The following CDH13 variants were observed in gnomAD, a reference collection of about 807,000 sequenced individuals.
CDH13 encodes the protein cadherin 13, also known as cadherin-13.
A neutral mutation model predicts 63.8 loss-of-function variants in CDH13; 24 were observed. That is an observed-to-expected ratio of 0.38 (90% CI 0.27 to 0.53). The LOEUF is 0.53. Ranked by LOEUF, CDH13 falls within the 20% of genes least tolerant of loss-of-function variation. The pLI is 0.85. For missense variants in CDH13, 1,049 were observed against 903.1 expected, an observed-to-expected ratio of 1.16 and a Z score of -2.07; for synonymous variants, 503 against 355.3, an observed-to-expected ratio of 1.42 and a Z score of -4.67.
chr16:82,631,475 C>T (rs1230290136), intron 1 of CDH13, among the ~76,000 whole-genome samples: 2 of 152,218 alleles, frequency 1.3e-5, no homozygotes, highest in South Asian at 2.1e-4. Context: ...ATCAGCTGGA[C>T]AGAATCAAAC....
intron 5 of CDH13, among the ~76,000 whole-genome samples, chr16:83,281,478 C>T (rs1266503351): frequency 6.6e-6 from 1 of 152,162 alleles, no homozygotes; most frequent in Non-Finnish European, 1.5e-5. Flanking sequence ...GTTTCACTTC[C>T]TTGCCATTCA....
At chr16:83,755,132 C>T (rs1913399038) in intron 11 of CDH13, among the ~76,000 whole-genome samples, 2 of 152,070 alleles carry the variant, frequency 1.3e-5, no homozygotes. Flanking sequence ...GAGAATTACA[C>T]AAGAGATCTG....
intron 6 of CDH13, among the ~76,000 whole-genome samples, chr16:83,379,930 T>TAGAG (rs1366582319): frequency 1.0e-4 from 9 of 88,216 alleles, no homozygotes; most frequent in Non-Finnish European, 2.0e-4. Context: ...TATATATATA[T>TAGAG]ATATATATAG....
chr16:82,835,381 A>C (rs1322034636), intron 1 of CDH13, among the ~76,000 whole-genome samples: 1 of 152,208 alleles, frequency 6.6e-6, no homozygotes, highest in Non-Finnish European at 1.5e-5. Flanking sequence ...TTAAGGTCAC[A>C]TAGCACCTGG....
At chr16:83,037,552 G>A (rs1212238700) in intron 3 of CDH13, among the ~76,000 whole-genome samples, 1 of 152,172 alleles carries the variant, frequency 6.6e-6, no homozygotes, top group Non-Finnish European at 1.5e-5. Flanking sequence ...TGTCTAGCCT[G>A]GAGGATGGAG....
chr16:82,968,364 C>G (rs1347706796), intron 2 of CDH13, among the ~76,000 whole-genome samples: 1 of 152,092 alleles, frequency 6.6e-6, no homozygotes, highest in African/African-American at 2.4e-5. Flanking sequence ...GGCCTCAGAC[C>G]TAGTGGTCCA....
At chr16:82,945,687 C>G (rs544005809) in intron 2 of CDH13, among the ~76,000 whole-genome samples, 25 of 152,248 alleles carry the variant, frequency 1.6e-4, no homozygotes, top group African/African-American at 5.5e-4. Context: ...TAAGTCCCAT[C>G]TGCAAGGAAA....
chr16:82,796,744 C>G (rs10514567), intron 1 of CDH13, among the ~76,000 whole-genome samples: 2,615 of 152,284 alleles, frequency 0.017, 44 homozygotes, highest in African/African-American at 0.038. Flanking sequence ...AAATAATGAC[C>G]TTTTAGTTGA....
chr16:83,131,992 C>G (rs1201980978), intron 4 of CDH13, among the ~76,000 whole-genome samples: 1 of 152,202 alleles, frequency 6.6e-6, no homozygotes, highest in Non-Finnish European at 1.5e-5. Flanking sequence ...TGCCATGTTC[C>G]TCAGTGTTCT....
At chr16:83,144,245 G>T (rs1474237482) in intron 4 of CDH13, among the ~76,000 whole-genome samples, 1 of 152,034 alleles carries the variant, frequency 6.6e-6, no homozygotes, top group African/African-American at 2.4e-5. Context: ...GTACTTATTT[G>T]GATAGTCAAG....
At chr16:82,845,452 G>A (rs575225338) in intron 1 of CDH13, among the ~76,000 whole-genome samples, 9 of 152,330 alleles carry the variant, frequency 5.9e-5, no homozygotes, top group South Asian at 2.1e-4. Flanking sequence ...GAAACTCATC[G>A]CAGCAGCAAC....
chr16:82,661,397 T>C (rs8049308), intron 1 of CDH13, among the ~76,000 whole-genome samples: 32,978 of 152,176 alleles, frequency 0.22, 3,745 homozygotes, highest in African/African-American at 0.29. Context: ...TTAAATATTG[T>C]TTGTCCTGCT....
At chr16:83,651,981 A>C (rs1912425200) in intron 8 of CDH13, among the ~76,000 whole-genome samples, 1 of 152,204 alleles carries the variant, frequency 6.6e-6, no homozygotes, top group Non-Finnish European at 1.5e-5. Flanking sequence ...CCCTGTGATG[A>C]GAGCCCAGGA....
At chr16:83,632,375 G>T (rs1466358044) in intron 8 of CDH13, among the ~76,000 whole-genome samples, 2 of 151,644 alleles carry the variant, frequency 1.3e-5, no homozygotes, top group Admixed American at 1.3e-4. Flanking sequence ...GGGCCTCAGT[G>T]TCCTCACTTA....
intron 2 of CDH13, among the ~76,000 whole-genome samples, chr16:83,028,899 A>G (rs1223811101): frequency 6.6e-6 from 1 of 152,116 alleles, no homozygotes. Flanking sequence ...TCCATGGGGT[A>G]TTGTCTTTAT....
intron 8 of CDH13, among the ~76,000 whole-genome samples, chr16:83,656,300 A>C (rs947617380): frequency 2.0e-5 from 3 of 152,188 alleles, no homozygotes; most frequent in Non-Finnish European, 4.4e-5. Context: ...GCTCTTTGCC[A>C]AGAAAAGGGA....
chr16:82,881,838 C>G (rs1377220806), intron 2 of CDH13, among the ~76,000 whole-genome samples: 1 of 152,026 alleles, frequency 6.6e-6, no homozygotes, highest in Admixed American at 6.6e-5. Flanking sequence ...GGTTCATGAC[C>G]CCCACACCCA....
chr16:82,757,658 T>G (rs1329990175), intron 1 of CDH13, among the ~76,000 whole-genome samples: 1 of 103,542 alleles, frequency 9.7e-6, no homozygotes, highest in Non-Finnish European at 2.4e-5. Context: ...TTTTTTTTTT[T>G]TTTGGGGACA....
intron 7 of CDH13, among the ~76,000 whole-genome samples, chr16:83,511,183 C>T (rs890793422): frequency 1.3e-5 from 2 of 152,212 alleles, no homozygotes; most frequent in East Asian, 1.9e-4. Context: ...GGTTCGTGGC[C>T]GGGTGCGGTG....
Sources: gnomAD v4.1 joint callset for allele counts (sites outside exome capture counted in the v4.1 genomes callset) on GRCh38, gnomAD v4.1.1 for gene constraint, MANE v1.5 for transcripts, NCBI Gene and HGNC (gene_info 2026-07-23, HGNC 2026-07-21) for gene names.